The following CIITA variants were observed in gnomAD, a reference collection of about 807,000 sequenced individuals.
CIITA encodes the protein class II major histocompatibility complex transactivator, also known as MHC class II transactivator.
CIITA carries 72 observed loss-of-function variants against 115.1 expected under a neutral mutation model. The ratio of observed to expected loss-of-function variants is 0.63; its 90% CI spans 0.52 to 0.76. The LOEUF (loss-of-function observed/expected upper bound fraction) is 0.76. Ranked by LOEUF, CIITA falls within the 30% of genes least tolerant of loss-of-function variation. The pLI is 0.00. For missense variants in CIITA, 1,617 were observed against 1,463.8 expected (o/e 1.10, Z -1.71); for synonymous variants, 763 against 635.6 (o/e 1.20, Z -3.02).
At position 10,942,392 on chromosome 16, in the gene CIITA, T is replaced by C; in HGVS notation, n.1518T>C. On this transcript the variant is annotated non_coding_transcript_exon_variant, in exon 2 of 2. Coordinates refer to the CIITA transcript ENST00000573379. The surrounding 1 kb of genome is among the most constrained non-coding windows in gnomAD (Gnocchi z 5.0). ...CTTCTCTCCCGCCCCGCCCCGCAGG[T>C]CCTCGCGCACCCCCCGCGCCCCCGC... 6.0e-6 allele frequency: 1 copy of C among 166,576 alleles called. No individual in the cohort carries two copies. The highest frequency in any genetic ancestry group is 1.4e-4 in the South Asian group (1 of 7,280). The allele number at this position is 166,576 out of a possible 1,614,324, so 10.3% of individuals were successfully genotyped here. A position where few individuals can be genotyped will look rare whatever the true frequency, so the allele number is the denominator to read the frequency against.
intron 10 of CIITA, among the ~76,000 whole-genome samples, 195 bp from the exon 11 acceptor site, chr16:10,906,304 G>A (rs1049337222): frequency 3.3e-5 from 5 of 152,140 alleles, no homozygotes; most frequent in Non-Finnish European, 5.9e-5. Flanking sequence ...AGGTTGCAGC[G>A]AGCTGTGATC....
Position 10,942,074 on chromosome 16 carries a change from G to T in CIITA, n.1200G>T. On this transcript the variant is annotated non_coding_transcript_exon_variant, in exon 2 of 2. Transcript: ENST00000573379. The surrounding 1 kb of genome is among the most constrained non-coding windows in gnomAD (Gnocchi z 5.0). The stretch of plus-strand genomic sequence containing the variant: ...CAGCCGCTGCGGCGCCCGGGCGGCC[G>T]GCGAGGGCACAGCGCAGCCATCCAG... The T allele has an allele frequency of 1.6e-6, 2 of 1,282,988 alleles. No individual in the cohort carries two copies. The highest frequency in any genetic ancestry group is 2.0e-6 in the Non-Finnish European group (2 of 1,002,158). The allele number at this position is 1,282,988 out of a possible 1,614,324, so 79.5% of individuals were successfully genotyped here.
intron 15 of CIITA, 114 bp from the exon 16 acceptor site, chr16:10,918,326 A>G (rs2040073166): frequency 1.1e-6 from 1 of 934,794 alleles, no homozygotes; most frequent in East Asian, 2.4e-5. Context: ...ACCGAGAGGT[A>G]GCTTAAGTCT....
At chr16:10,891,272 C>T (rs1352899305) in intron 1 of CIITA, among the ~76,000 whole-genome samples, 2 of 130,002 alleles carry the variant, frequency 1.5e-5, no homozygotes, top group African/African-American at 2.8e-5. Context: ...GGAGTCTTGG[C>T]AGGGGGAGTG....
At chr16:10,892,185 A>T (rs1284477512) in intron 1 of CIITA, among the ~76,000 whole-genome samples, 1 of 152,098 alleles carries the variant, frequency 6.6e-6, no homozygotes, top group Non-Finnish European at 1.5e-5. Context: ...TTAGCCAGGC[A>T]TGGTGGCGGG....
intron 11 of CIITA, 186 bp from the exon 12 acceptor site, chr16:10,908,843 G>C (rs969360658): frequency 1.3e-6 from 1 of 794,530 alleles, no homozygotes. Context: ...GAAAACCACT[G>C]TGTGAGTTGT....
At chr16:10,878,798 T>A (rs1420433075) in intron 1 of CIITA, among the ~76,000 whole-genome samples, 1 of 152,168 alleles carries the variant, frequency 6.6e-6, no homozygotes, top group Non-Finnish European at 1.5e-5. Flanking sequence ...AGGGACCTCT[T>A]GGATGCCCCA....
chr16:10,906,270 G>C (rs2039142532), intron 10 of CIITA, among the ~76,000 whole-genome samples: 1 of 152,126 alleles, frequency 6.6e-6, no homozygotes, highest in East Asian at 1.9e-4. Context: ...GGAGTCAGGA[G>C]GATCGCATGA....
intron 16 of CIITA, among the ~76,000 whole-genome samples, chr16:10,921,077 A>T (rs2040244367): frequency 6.6e-6 from 1 of 152,192 alleles, no homozygotes; most frequent in Non-Finnish European, 1.5e-5. Context: ...CATGTTGGTC[A>T]GGCTGGTCTC....
intron 3 of CIITA, among the ~76,000 whole-genome samples, chr16:10,896,431 T>C (rs900372816): frequency 6.6e-6 from 1 of 152,216 alleles, no homozygotes; most frequent in Non-Finnish European, 1.5e-5. Flanking sequence ...AGAAGCTAAT[T>C]TGTAGCCTTA....
chr16:10,881,844 C>T (rs1004343799), intron 1 of CIITA, among the ~76,000 whole-genome samples: 8 of 152,192 alleles, frequency 5.3e-5, no homozygotes, highest in Non-Finnish European at 7.3e-5. Context: ...GCCCCTTCCA[C>T]CCAGCTCGTG....
chr16:10,895,496 CA>C (rs1410756059), intron 2 of CIITA, 68 bp downstream of exon 2: 2 of 1,603,988 alleles, frequency 1.2e-6, no homozygotes, highest in South Asian at 1.1e-5. Context: ...AGACGGCAAT[CA>C]GGGGAAATTC....
rs778923525 is a variant in CIITA at position 10,907,911 on chromosome 16, C to G, written c.2419C>G (p.Leu807Val). ...QPGTLRARQL[L>V]ELLHCAHEAE... is the part of the protein sequence containing the mutation. ...GGGGACACTGCGGGCGCGGCAGCTG[C>G]TGGAGCTGCTGCACTGCGCCCACGA... is the stretch of plus-strand genomic sequence containing the variant. Residue 807 changes from leucine (L) to valine (V), a missense_variant, in exon 11 of 20, where the codon CTG becomes GTG. By Grantham distance (32) the Leu-to-Val change is conservative. Coordinates refer to ENST00000324288, the MANE Select transcript of CIITA (RefSeq NM_000246.4). The surrounding 1 kb of genome is among the most constrained non-coding windows in gnomAD (Gnocchi z 5.0). 6.3e-7 allele frequency: 1 copy of G among 1,579,708 alleles called. No individual in the cohort carries two copies. The highest frequency in any genetic ancestry group is 1.8e-5 in the Admixed American group (1 of 55,914).
intron 1 of CIITA, among the ~76,000 whole-genome samples, chr16:10,881,133 G>A (rs2036385635): frequency 6.6e-6 from 1 of 151,984 alleles, no homozygotes; most frequent in African/African-American, 2.4e-5. Context: ...TTGTGTTTTA[G>A]CCGGGCATGG....
chr16:10,885,092 T>C (rs1204689758), intron 1 of CIITA, among the ~76,000 whole-genome samples: 2 of 152,158 alleles, frequency 1.3e-5, no homozygotes, highest in African/African-American at 4.8e-5. Flanking sequence ...CTGGTAACAA[T>C]TGTGTGTACT....
intron 3 of CIITA, among the ~76,000 whole-genome samples, chr16:10,896,680 C>T (rs1260091600): frequency 6.6e-6 from 1 of 152,206 alleles, no homozygotes; most frequent in Non-Finnish European, 1.5e-5. Flanking sequence ...GGAGTCCTGC[C>T]CCCATTTTCC....
At chr16:10,868,314 T>C (rs544734378) in intron 1 of CIITA, among the ~76,000 whole-genome samples, 12 of 151,068 alleles carry the variant, frequency 7.9e-5, no homozygotes, top group South Asian at 2.1e-4. Context: ...CGGTGAAGAC[T>C]GGATTTGAAG....
At chr16:10,906,378 C>T (rs2039151493) in intron 10 of CIITA, 121 bp from the exon 11 acceptor site, 5 of 1,247,080 alleles carry the variant, frequency 4.0e-6, no homozygotes, top group Non-Finnish European at 4.5e-6. Flanking sequence ...ACAAAACAAA[C>T]AAACAAAAAA....
At chr16:10,922,824 T>G in intron 18 of CIITA, 2 of 511,986 alleles carry the variant, frequency 3.9e-6, no homozygotes, top group East Asian at 6.9e-5. Flanking sequence ...AAATTGGCAA[T>G]TTCATATGGT....
Sources: gnomAD v4.1 joint callset for allele counts (sites outside exome capture counted in the v4.1 genomes callset) on GRCh38, gnomAD v4.1.1 for gene constraint, Gnocchi (gnomAD v3.1) non-coding constraint, MANE v1.5 for transcripts, NCBI Gene and HGNC (gene_info 2026-07-23, HGNC 2026-07-21) for gene names.